MAGI1: variants seen among roughly 807,000 people sequenced by gnomAD.
MAGI1 encodes membrane-associated guanylate kinase, WW and PDZ domain-containing protein 1.
A neutral mutation model predicts 139.9 loss-of-function variants in MAGI1; 58 were observed. The ratio of observed to expected loss-of-function variants is 0.41; its 90% CI spans 0.34 to 0.52. MAGI1 has a LOEUF of 0.52. MAGI1 is among the 20% of genes least tolerant of loss of function. The pLI, the probability that MAGI1 is intolerant of heterozygous loss-of-function variation, is 0.12. For missense variants in MAGI1, 1,874 were observed against 1,901.6 expected (o/e 0.99, Z 0.27); for synonymous variants, 812 against 737.9 (o/e 1.10, Z -1.63).
intron 1 of MAGI1, among the ~76,000 whole-genome samples, chr3:66,020,810 T>C (rs1339664432): frequency 6.6e-6 from 1 of 152,112 alleles, no homozygotes; most frequent in Non-Finnish European, 1.5e-5. Context: ...TTTTCAGTCA[T>C]CCATTATATT....
intron 1 of MAGI1, among the ~76,000 whole-genome samples, chr3:65,719,787 T>G (rs2032783784): frequency 6.6e-6 from 1 of 152,126 alleles, no homozygotes; most frequent in Non-Finnish European, 1.5e-5. Context: ...GCTCAAGAGA[T>G]CCATCTGCCT....
intron 12 of MAGI1, among the ~76,000 whole-genome samples, chr3:65,425,833 G>A (rs896764339): frequency 8.5e-5 from 13 of 152,060 alleles, no homozygotes; most frequent in Admixed American, 2.0e-4. Context: ...AGGTAGTTAC[G>A]CTATCTACAT....
Position 65,706,170 on chromosome 3 carries a change from G to A in MAGI1, c.314-84082C>T, listed in dbSNP as rs187195245. ...GGAAAACCACTAGTAGATGGTACACGGGCTAGTTTAAATTTCATTTTGCTT... is the reference window on the plus strand; with the variant it reads ...GGAAAACCACTAGTAGATGGTACACAGGCTAGTTTAAATTTCATTTTGCTT... On this transcript the variant is annotated intron_variant, in intron 1 of 22. Coordinates refer to ENST00000402939, the MANE Select transcript of MAGI1 (RefSeq NM_001033057.2). Among the ~76,000 whole-genome samples, 398 of 152,184 alleles carry A rather than the reference G, an allele frequency of 2.6e-3. 2 individuals are homozygous for A. The highest frequency in any genetic ancestry group is 6.8e-3 in the Middle Eastern group (2 of 294).
At chr3:65,734,525 A>AAGAAAGAG (rs1384938684) in intron 1 of MAGI1, among the ~76,000 whole-genome samples, 4 of 147,856 alleles carry the variant, frequency 2.7e-5, no homozygotes, top group East Asian at 2.0e-4. Context: ...GAAAGAGAGA[A>AAGAAAGAG]AGAGAGAGGG....
intron 1 of MAGI1, among the ~76,000 whole-genome samples, chr3:65,694,913 A>T (rs1351638017): frequency 6.6e-6 from 1 of 152,144 alleles, no homozygotes; most frequent in African/African-American, 2.4e-5. Context: ...TTTCCTACTG[A>T]ATTACTTTTT....
chr3:65,891,192 C>T (rs2060728622), intron 1 of MAGI1, among the ~76,000 whole-genome samples: 1 of 149,764 alleles, frequency 6.7e-6, no homozygotes, highest in South Asian at 2.1e-4. Flanking sequence ...ACTGAGTGAG[C>T]CCCTGTCACA....
intron 22 of MAGI1, chr3:65,360,368 T>C: frequency 5.2e-6 from 5 of 964,674 alleles, no homozygotes; most frequent in Non-Finnish European, 6.2e-6. Context: ...TTTTTTTTTT[T>C]AATTTTAAAC....
intron 3 of MAGI1, among the ~76,000 whole-genome samples, chr3:65,481,033 T>G (rs1951253208): frequency 1.3e-5 from 2 of 152,224 alleles, no homozygotes; most frequent in Admixed American, 1.3e-4. Context: ...TACACATTTT[T>G]TTAAATGCAG....
At position 65,542,808 on chromosome 3, in the gene MAGI1, A is replaced by G. The variant is rs151083444; in HGVS notation, c.431-49177T>C. ...TAAAACCATAAAACCATAGAAGAAA[A>G]CCTAGGCAATATCATTCAGGACATA... On this transcript the variant is annotated intron_variant, in intron 2 of 22. Coordinates refer to ENST00000402939, the MANE Select transcript of MAGI1 (RefSeq NM_001033057.2). Among the ~76,000 whole-genome samples the G allele has an allele frequency of 6.6e-3, 1,012 of 152,308 alleles. 12 individuals carry two copies. The highest frequency in any genetic ancestry group is 0.019 in the African/African-American group (796 of 41,556).
At chr3:65,941,911 C>A (rs1055916038) in intron 1 of MAGI1, among the ~76,000 whole-genome samples, 5 of 152,176 alleles carry the variant, frequency 3.3e-5, no homozygotes, top group African/African-American at 7.2e-5. Flanking sequence ...CCCACCTCAG[C>A]CTCCTGAAGC....
intron 1 of MAGI1, among the ~76,000 whole-genome samples, chr3:65,944,036 AC>A (rs894869096): frequency 6.6e-6 from 1 of 152,214 alleles, no homozygotes; most frequent in African/African-American, 2.4e-5. Context: ...CAGGAAAAAA[AC>A]ATTCTTTCTG....
chr3:65,958,725 G>T (rs2064256776), intron 1 of MAGI1, among the ~76,000 whole-genome samples: 1 of 152,150 alleles, frequency 6.6e-6, no homozygotes, highest in African/African-American at 2.4e-5. Flanking sequence ...GGGAGCTCAG[G>T]CCTATAATCC....
At chr3:65,791,334 T>A (rs142359530) in intron 1 of MAGI1, among the ~76,000 whole-genome samples, 1,684 of 152,322 alleles carry the variant, frequency 0.011, 18 homozygotes, top group Non-Finnish European at 0.018. Context: ...GCCCTTCGTA[T>A]CCATGAGTTC....
chr3:65,605,176 G>C (rs1173958406), intron 2 of MAGI1, among the ~76,000 whole-genome samples: 1 of 152,274 alleles, frequency 6.6e-6, no homozygotes, highest in East Asian at 1.9e-4. Context: ...CACTATAAAT[G>C]ACCTGTTTTA....
chr3:65,636,605 T>C (rs975971676), intron 1 of MAGI1, among the ~76,000 whole-genome samples: 1 of 152,148 alleles, frequency 6.6e-6, no homozygotes, highest in Non-Finnish European at 1.5e-5. Context: ...CGTATTAACA[T>C]TGCCCTTAAT....
chr3:65,567,599 A>G (rs569658472), intron 2 of MAGI1, among the ~76,000 whole-genome samples: 2 of 152,276 alleles, frequency 1.3e-5, no homozygotes, highest in South Asian at 2.1e-4. Flanking sequence ...CATTTTGGGA[A>G]GCTGAGGCTG....
At chr3:65,731,764 T>G (rs2034223001) in intron 1 of MAGI1, among the ~76,000 whole-genome samples, 1 of 152,044 alleles carries the variant, frequency 6.6e-6, no homozygotes, top group South Asian at 2.1e-4. Flanking sequence ...AAATTCAGCC[T>G]AAAAGCAAGC....
chr3:65,944,254 G>A (rs1318874737), intron 1 of MAGI1, among the ~76,000 whole-genome samples: 1 of 152,142 alleles, frequency 6.6e-6, no homozygotes, highest in African/African-American at 2.4e-5. Flanking sequence ...AATGGCTCAG[G>A]CCTGTAATCC....
At chr3:65,830,139 T>C (rs1042467881) in intron 1 of MAGI1, among the ~76,000 whole-genome samples, 13 of 152,290 alleles carry the variant, frequency 8.5e-5, no homozygotes, top group Non-Finnish European at 1.5e-4. Context: ...TGAAAGCCAG[T>C]GTCGTGGATT....
Sources: gnomAD v4.1 joint callset for allele counts (sites outside exome capture counted in the v4.1 genomes callset) on GRCh38, gnomAD v4.1.1 for gene constraint, MANE v1.5 for transcripts, NCBI Gene and HGNC (gene_info 2026-07-23, HGNC 2026-07-21) for gene names.